Variants in ZBTB43 observed in about 807,000 individuals in gnomAD.
ZBTB43 encodes zinc finger and BTB domain containing 43.
In ZBTB43, 6 loss-of-function variants were observed where a neutral mutation model predicts 31.1. That is an observed-to-expected ratio of 0.19 (90% CI 0.11 to 0.38). The LOEUF (loss-of-function observed/expected upper bound fraction) is 0.38, where lower values mean the gene tolerates loss of function less well. Ranked by LOEUF, ZBTB43 falls within the 10% of genes least tolerant of loss-of-function variation. ZBTB43 has a pLI of 1.00. For missense variants in ZBTB43, 379 were observed against 602.1 expected (o/e 0.63, Z 3.88); for synonymous variants, 212 against 221.7 (o/e 0.96, Z 0.39).
chr9:126,832,219 A>C, intron 2 of ZBTB43: 1 of 375,914 alleles, frequency 2.7e-6, no homozygotes, highest in Non-Finnish European at 4.8e-6. Context: ...AGATTTGTAT[A>C]GCTTACAAAT....
chr9:126,805,664 C>T (rs1191197842), intron 1 of ZBTB43, among the ~76,000 whole-genome samples: 1 of 152,246 alleles, frequency 6.6e-6, no homozygotes, highest in African/African-American at 2.4e-5. Context: ...CCTGATATTT[C>T]TCTCCACTTT....
intron 2 of ZBTB43, among the ~76,000 whole-genome samples, chr9:126,817,776 C>G (rs2032421862): frequency 1.3e-5 from 2 of 152,100 alleles, no homozygotes; most frequent in Non-Finnish European, 2.9e-5. Flanking sequence ...GCGCCTGGCC[C>G]CATGAGGTTT....
At chr9:126,815,484 C>A (rs895159272) in intron 2 of ZBTB43, among the ~76,000 whole-genome samples, 1 of 150,832 alleles carries the variant, frequency 6.6e-6, no homozygotes, top group Non-Finnish European at 1.5e-5. Flanking sequence ...ATACTCTATT[C>A]CCTTTTTATT....
Position 126,832,778 on chromosome 9 carries a change from C to T in ZBTB43, c.269C>T (p.Thr90Ile). 2 of 1,614,178 alleles carry T rather than the reference C, an allele frequency of 1.2e-6. No individual in the cohort carries two copies. The highest frequency in any genetic ancestry group is 1.7e-6 in the Non-Finnish European group (2 of 1,180,042). Residue 90 changes from threonine to isoleucine, a missense_variant, in exon 3 of 3, where the codon ACA becomes ATA. Physicochemically the swap from Thr to Ile is moderately conservative, Grantham distance 89 (BLOSUM62 -1). Coordinates refer to ENST00000373464, the MANE Select transcript of ZBTB43 (RefSeq NM_014007.4). The stretch of plus-strand genomic sequence containing the variant: ...GAGAACATTCTCCTATCTAGTTATA[C>T]AGGACGTCTAGTAATGCCCGCTCCA... ...VFENILLSSY[T>I]GRLVMPAPEI...
At chr9:126,825,673 A>G (rs1355256466) in intron 2 of ZBTB43, among the ~76,000 whole-genome samples, 1 of 152,004 alleles carries the variant, frequency 6.6e-6, no homozygotes, top group Non-Finnish European at 1.5e-5. Context: ...GGACTCATTT[A>G]GGTTAATTAC....
chr9:126,821,884 G>C (rs2032519298), intron 2 of ZBTB43, among the ~76,000 whole-genome samples: 1 of 151,788 alleles, frequency 6.6e-6, no homozygotes. Context: ...CTTTTTTTGA[G>C]ACAGAGTTTC....
intron 2 of ZBTB43, among the ~76,000 whole-genome samples, chr9:126,809,450 G>A (rs1264582249): frequency 6.6e-6 from 1 of 152,200 alleles, no homozygotes; most frequent in Non-Finnish European, 1.5e-5. Flanking sequence ...TCTATAGTAA[G>A]CATGCAAGTT....
intron 2 of ZBTB43, among the ~76,000 whole-genome samples, chr9:126,817,600 C>T (rs974281182): frequency 4.6e-5 from 7 of 151,368 alleles, no homozygotes; most frequent in East Asian, 3.9e-4. Flanking sequence ...CTCAGCCTCC[C>T]GAGCAGCTGG....
rs975035038 is a variant in ZBTB43 at position 126,837,176 on chromosome 9, G to GTGAA, written c.*3264_*3267dup. On this transcript the variant is annotated 3_prime_UTR_variant, in exon 3 of 3. Coordinates refer to ENST00000373464, the MANE Select transcript of ZBTB43 (RefSeq NM_014007.4). ...TACACACGTTACAGTAATCCACGTG[G>GTGAA]TGAAGTGCATGTCACCGTTAACTAA... 1.8e-5 allele frequency: 3 copies of GTGAA among 167,146 alleles called. No individual in the cohort carries two copies. The highest frequency in any genetic ancestry group is 6.5e-5 in the Admixed American group (1 of 15,296). 10.4% of individuals were successfully genotyped at this position (167,146 alleles called of 1,614,324 possible).
upstream of ZBTB43, among the ~76,000 whole-genome samples, chr9:126,804,115 T>C (rs911404442): frequency 2.0e-5 from 3 of 151,996 alleles, no homozygotes; most frequent in African/African-American, 4.8e-5. Flanking sequence ...TGTAAACGGG[T>C]CCAAAGGTAA....
Position 126,833,375 on chromosome 9 carries a change from A to T in ZBTB43, c.866A>T (p.Glu289Val). 6.2e-7 allele frequency: 1 copy of T among 1,613,606 alleles called. No homozygotes were observed. The highest frequency in any genetic ancestry group is 1.1e-5 in the South Asian group (1 of 90,984). The change falls in exon 3 of 3, where the codon GAG (glutamate) becomes GTG (valine). Residue 289 changes from glutamate (E) to valine (V), a missense_variant. Glu to Val is a moderately radical substitution (Grantham distance 121). Transcript: ENST00000373464. This position sits in a 1 kb window ranked among gnomAD's most constrained non-coding sequence, Gnocchi z 7.9. ...ACGGTGCAGCCTTCGGGAGTGGAGG[A>T]GGACTTCCACATCGGGGAGAAGAAA... ...EHTVQPSGVE[E>V]DFHIGEKKVE... is the part of the protein sequence containing the mutation.
At chr9:126,818,598 G>C (rs778520824) in intron 2 of ZBTB43, among the ~76,000 whole-genome samples, 7 of 152,130 alleles carry the variant, frequency 4.6e-5, no homozygotes, top group Non-Finnish European at 1.5e-5. Context: ...TGCTTTTTCT[G>C]TGTCAGTTGA....
At chr9:126,826,174 C>A (rs147674351) in intron 2 of ZBTB43, among the ~76,000 whole-genome samples, 1,749 of 150,264 alleles carry the variant, frequency 0.012, 36 homozygotes, top group African/African-American at 0.039. Flanking sequence ...CCACCACGCC[C>A]AGCTTATTTT....
intron 2 of ZBTB43, among the ~76,000 whole-genome samples, chr9:126,814,504 G>T (rs2032330099): frequency 6.6e-6 from 1 of 151,306 alleles, no homozygotes; most frequent in Non-Finnish European, 1.5e-5. Context: ...GTCTGAAAAA[G>T]TATTTTGGGC....
Position 126,823,519 on chromosome 9 carries a change from A to G in ZBTB43, c.-23-8968A>G, listed in dbSNP as rs1418317857. Among the ~76,000 whole-genome samples the G allele has an allele frequency of 2.0e-5, 3 of 152,104 alleles. No homozygotes were observed. The East Asian group carries it at 5.8e-4, about 29-fold the overall frequency. On this transcript the variant is annotated intron_variant, in intron 2 of 2. Coordinates refer to ENST00000373464, the MANE Select transcript of ZBTB43 (RefSeq NM_014007.4). ...TATATCTAAAGTGAGTCTCATGCTCACCTCGGCAGCACATACACTAAAGTG... is the reference window on the plus strand; with the variant it reads ...TATATCTAAAGTGAGTCTCATGCTCGCCTCGGCAGCACATACACTAAAGTG...
At chr9:126,825,099 C>A (rs900440400) in intron 2 of ZBTB43, among the ~76,000 whole-genome samples, 1 of 151,890 alleles carries the variant, frequency 6.6e-6, no homozygotes. Flanking sequence ...TGCATGCCAC[C>A]ATGCCTGGCT....
intron 2 of ZBTB43, among the ~76,000 whole-genome samples, chr9:126,824,672 G>A (rs912513095): frequency 6.6e-6 from 1 of 152,096 alleles, no homozygotes; most frequent in Non-Finnish European, 1.5e-5. Context: ...TCTCTTTTAC[G>A]TGACTAGGAG....
intron 2 of ZBTB43, among the ~76,000 whole-genome samples, chr9:126,813,665 T>G (rs2032299288): frequency 6.6e-6 from 1 of 152,208 alleles, no homozygotes; most frequent in Admixed American, 6.5e-5. Flanking sequence ...ACTTATGATG[T>G]ACCAAACCCG....
chr9:126,819,312 G>A lies in ZBTB43; in HGVS notation c.-24+10397G>A, dbSNP rs997282092. ...TTTTTTTTTTTTTTTTTTACAAATA[G>A]TCTGTGGCAACCCTGCATTAAGGAA... On this transcript the variant is annotated intron_variant, in intron 2 of 2. Coordinates refer to ENST00000373464, the MANE Select transcript of ZBTB43 (RefSeq NM_014007.4). Among the ~76,000 whole-genome samples the A allele has an allele frequency of 7.4e-5, 9 of 121,702 alleles. No homozygotes were observed. The Admixed American group carries it at 8.9e-4, about 12-fold the overall frequency. The allele number at this position is 121,702 out of a possible 152,430, so 79.8% of individuals were successfully genotyped here.
Sources: gnomAD v4.1 joint callset for allele counts (sites outside exome capture counted in the v4.1 genomes callset) on GRCh38, gnomAD v4.1.1 for gene constraint, Gnocchi (gnomAD v3.1) non-coding constraint, MANE v1.5 for transcripts, NCBI Gene and HGNC (gene_info 2026-07-23, HGNC 2026-07-21) for gene names.